Variants in PCDH11Y observed in about 807,000 individuals in gnomAD.
The protein encoded by PCDH11Y is protocadherin-11 Y-linked.
For synonymous variants in PCDH11Y, 9 were observed against 83.6 expected, an observed-to-expected ratio of 0.11 and a Z score of 4.87; for missense variants, 12 against 224.8, an observed-to-expected ratio of 0.05 and a Z score of 6.05.
At chrY:5,263,781 G>T in intron 2 of PCDH11Y, among the ~76,000 whole-genome samples, 2 of 32,073 alleles carry the variant, frequency 6.2e-5, no homozygotes. Flanking sequence ...CCACTACCAG[G>T]CTCCTTTCTA....
At chrY:5,400,013 G>T in intron 2 of PCDH11Y, among the ~76,000 whole-genome samples, 1 of 33,454 alleles carries the variant, frequency 3.0e-5, no homozygotes, top group African/African-American at 1.2e-4. Context: ...CCCTAGAGGA[G>T]TTAAAGACGC....
chrY:5,695,846 T>C (rs2053572044), intron 4 of PCDH11Y, among the ~76,000 whole-genome samples: 1 of 31,134 alleles, frequency 3.2e-5, no homozygotes, highest in African/African-American at 1.2e-4. Context: ...GTCTATGTCT[T>C]GAAAGTTGTT....
At chrY:5,491,141 G>T in intron 2 of PCDH11Y, among the ~76,000 whole-genome samples, 1 of 33,350 alleles carries the variant, frequency 3.0e-5, no homozygotes, top group Non-Finnish European at 7.5e-5. Context: ...AGGCATAGAG[G>T]CTTCTGCTCA....
At chrY:5,692,595 T>A in intron 4 of PCDH11Y, among the ~76,000 whole-genome samples, 1 of 32,940 alleles carries the variant, frequency 3.0e-5, no homozygotes, top group Non-Finnish European at 7.5e-5. Flanking sequence ...CTTTATAAGG[T>A]CAACTAAAAA....
At chrY:5,661,073 C>T (rs2557195) in intron 4 of PCDH11Y, among the ~76,000 whole-genome samples, 3 of 32,564 alleles carry the variant, frequency 9.2e-5, no homozygotes, top group Admixed American at 5.7e-4. Context: ...AGGCTGAGGC[C>T]GGAGAATTGC....
chrY:5,369,619 T>C (rs2124673026), intron 2 of PCDH11Y, among the ~76,000 whole-genome samples: 1 of 32,224 alleles, frequency 3.1e-5, no homozygotes, highest in African/African-American at 1.2e-4. Context: ...TAGTAGACTT[T>C]CATAGGTTTA....
At chrY:5,707,601 G>C in intron 4 of PCDH11Y, among the ~76,000 whole-genome samples, 1 of 30,381 alleles carries the variant, frequency 3.3e-5, no homozygotes, top group East Asian at 8.5e-4. Context: ...TAATAGAATT[G>C]ATCAAACAGA....
At chrY:5,156,188 T>C in intron 2 of PCDH11Y, among the ~76,000 whole-genome samples, 2 of 29,576 alleles carry the variant, frequency 6.8e-5, no homozygotes, top group Non-Finnish European at 1.6e-4. Context: ...TGTGTGTGTG[T>C]GCGTGCCTGA....
intron 2 of PCDH11Y, among the ~76,000 whole-genome samples, chrY:5,443,294 AT>A (rs2053284177): frequency 3.0e-5 from 1 of 33,563 alleles, no homozygotes; most frequent in African/African-American, 1.2e-4. Context: ...AATTCATGAT[AT>A]TAACAGACTA....
chrY:5,175,965 G>A, intron 2 of PCDH11Y, among the ~76,000 whole-genome samples: 1 of 7,421 alleles, frequency 1.3e-4, no homozygotes, highest in Non-Finnish European at 2.3e-4. Context: ...CTTCCACAAT[G>A]GTTGAACTAG....
At chrY:5,035,493 G>A in intron 3 of PCDH11Y, among the ~76,000 whole-genome samples, 1 of 31,345 alleles carries the variant, frequency 3.2e-5, no homozygotes. Context: ...TGCAAATACT[G>A]TTTCAAAATG....
chrY:5,016,516 T>C (rs2052561223), intron 1 of PCDH11Y, among the ~76,000 whole-genome samples: 4 of 33,287 alleles, frequency 1.2e-4, no homozygotes, highest in Admixed American at 1.1e-3. Context: ...AGTAAAACGG[T>C]GACTCTTTTT....
At chrY:5,432,180 TA>T (rs2053269600) in intron 2 of PCDH11Y, among the ~76,000 whole-genome samples, 1 of 33,116 alleles carries the variant, frequency 3.0e-5, no homozygotes, top group African/African-American at 1.2e-4. Flanking sequence ...TAGCTTCTTT[TA>T]TCTTTAATTG....
chrY:5,296,232 T>C, intron 2 of PCDH11Y, among the ~76,000 whole-genome samples: 2 of 32,965 alleles, frequency 6.1e-5, no homozygotes, highest in Non-Finnish European at 1.5e-4. Context: ...CTAATAATGC[T>C]GTGGTTCTTG....
At chrY:5,422,225 A>T in intron 2 of PCDH11Y, among the ~76,000 whole-genome samples, 1 of 28,876 alleles carries the variant, frequency 3.5e-5, no homozygotes, top group Non-Finnish European at 8.2e-5. Flanking sequence ...TAAAATACTG[A>T]GGAATAAATT....
chrY:5,041,066 C>CT (rs2052607145), intron 3 of PCDH11Y, among the ~76,000 whole-genome samples: 5 of 23,061 alleles, frequency 2.2e-4, no homozygotes, highest in South Asian at 1.1e-3. Flanking sequence ...CAGCAAGCAT[C>CT]TTTTTTTTTT....
downstream of PCDH11Y, among the ~76,000 whole-genome samples, chrY:5,108,575 G>A: frequency 3.4e-5 from 1 of 29,397 alleles, no homozygotes; most frequent in Non-Finnish European, 8.0e-5. Flanking sequence ...GTGAAACCTC[G>A]TCTCTACTAA....
chrY:5,435,094 A>G, intron 2 of PCDH11Y, among the ~76,000 whole-genome samples: 1 of 33,433 alleles, frequency 3.0e-5, no homozygotes, highest in Non-Finnish European at 7.4e-5. Context: ...TAACATTTTA[A>G]TGTATTACAA....
chrY:5,338,057 T>C, intron 2 of PCDH11Y: 1 of 336,510 alleles, frequency 3.0e-6, no homozygotes, highest in East Asian at 9.4e-5. Flanking sequence ...CATATCTCCA[T>C]GCATGGCGGA....
Sources: gnomAD v4.1 joint callset for allele counts (sites outside exome capture counted in the v4.1 genomes callset) on GRCh38, gnomAD v4.1.1 for gene constraint, MANE v1.5 for transcripts, NCBI Gene and HGNC (gene_info 2026-07-23, HGNC 2026-07-21) for gene names.